TMEM132D: variants seen among roughly 807,000 people sequenced by gnomAD.
The protein encoded by TMEM132D is transmembrane protein 132D.
TMEM132D carries 21 observed loss-of-function variants against 62.3 expected under a neutral mutation model. The observed-to-expected ratio is 0.34, with a 90% CI of 0.24 to 0.49. The LOEUF (loss-of-function observed/expected upper bound fraction) is 0.49. Among genes scored for constraint, TMEM132D ranks in the 20% least tolerant of loss-of-function variants. The probability of loss-of-function intolerance (pLI) is 0.99; values close to 1 mark genes in which losing one functional copy is unlikely to be tolerated. For synonymous variants in TMEM132D, 621 were observed against 575.6 expected, an observed-to-expected ratio of 1.08 and a Z score of -1.13; for missense variants, 1,346 against 1,402.8, an observed-to-expected ratio of 0.96 and a Z score of 0.65.
chr12:129,496,869 T>C (rs973960364), intron 3 of TMEM132D, among the ~76,000 whole-genome samples: 1 of 152,142 alleles, frequency 6.6e-6, no homozygotes, highest in Non-Finnish European at 1.5e-5. Flanking sequence ...ACCCAGGGAG[T>C]AACCCATATG....
intron 5 of TMEM132D, among the ~76,000 whole-genome samples, chr12:129,178,818 A>C (rs140577726): frequency 2.0e-5 from 3 of 152,188 alleles, no homozygotes; most frequent in Admixed American, 6.5e-5. Flanking sequence ...CAGGAGGTGA[A>C]GTCTATGTCT....
At chr12:129,665,545 AAC>A (rs1238555731) in intron 2 of TMEM132D, among the ~76,000 whole-genome samples, 2 of 152,052 alleles carry the variant, frequency 1.3e-5, no homozygotes, top group East Asian at 3.9e-4. Context: ...GCTGCATTTG[AAC>A]AGTCTACTTA....
chr12:129,321,211 A>G (rs1027718790), intron 4 of TMEM132D, among the ~76,000 whole-genome samples: 8 of 152,218 alleles, frequency 5.3e-5, no homozygotes, highest in African/African-American at 1.7e-4. Context: ...TATAGAGAGA[A>G]TTCCATTATA....
At chr12:129,506,810 A>G (rs12317916) in intron 3 of TMEM132D, among the ~76,000 whole-genome samples, 1,957 of 152,342 alleles carry the variant, frequency 0.013, 37 homozygotes, top group African/African-American at 0.045. Flanking sequence ...CAAGGATTTC[A>G]TGACTAAGAA....
At chr12:129,727,864 G>A (rs1197243111) in intron 1 of TMEM132D, among the ~76,000 whole-genome samples, 1 of 151,940 alleles carries the variant, frequency 6.6e-6, no homozygotes, top group Non-Finnish European at 1.5e-5. Flanking sequence ...CTGAGCAAAA[G>A]CAAGGAAAAA....
In TMEM132D at chr12:129,793,975, C is replaced by T. The variant is rs553771396; in HGVS notation, c.80-93277G>A. ...GATGTTTAAAAGGTGTTATTTTATA[C>T]ACACACAAATACATACACACACATA... is the stretch of plus-strand genomic sequence containing the variant. On this transcript the variant is annotated intron_variant, in intron 1 of 8. Coordinates refer to ENST00000422113, the MANE Select transcript of TMEM132D (RefSeq NM_133448.3). Among the ~76,000 whole-genome samples the T allele has an allele frequency of 4.4e-4, 67 of 152,212 alleles. No individual in the cohort carries two copies. The South Asian group carries it at 0.012, about 27-fold the overall frequency.
At chr12:129,808,334 A>G (rs1441897332) in intron 1 of TMEM132D, among the ~76,000 whole-genome samples, 1 of 152,174 alleles carries the variant, frequency 6.6e-6, no homozygotes, top group Non-Finnish European at 1.5e-5. Flanking sequence ...CATAACTCAC[A>G]TATTAAAAGA....
At chr12:129,593,655 G>A (rs1463810141) in intron 2 of TMEM132D, among the ~76,000 whole-genome samples, 2 of 152,158 alleles carry the variant, frequency 1.3e-5, no homozygotes, top group African/African-American at 4.8e-5. Flanking sequence ...AGGAATTAAG[G>A]CCCACCTTGG....
intron 3 of TMEM132D, 69 bp downstream of exon 3, chr12:129,530,990 G>GGAAA (rs778001774): frequency 3.2e-6 from 4 of 1,267,182 alleles, no homozygotes; most frequent in Admixed American, 2.6e-5. Flanking sequence ...AGCAATCTAG[G>GGAAA]AAAAAAAAAA....
chr12:129,818,360 A>ATGTGTGTGTATGTGTGTGAGG (rs1872432605), intron 1 of TMEM132D, among the ~76,000 whole-genome samples: 17 of 102,396 alleles, frequency 1.7e-4, no homozygotes, highest in Non-Finnish European at 3.8e-5. Flanking sequence ...TGTGTGGTGT[A>ATGTGTGTGTATGTGTGTGAGG]TGTGTGTGTA....
intron 2 of TMEM132D, among the ~76,000 whole-genome samples, chr12:129,628,947 TTC>T (rs1224008268): frequency 2.0e-5 from 3 of 150,798 alleles, no homozygotes; most frequent in Non-Finnish European, 4.4e-5. Context: ...TCTCCTCTCT[TTC>T]TCTCTCATGT....
chr12:129,433,821 C>T (rs1257726906), intron 3 of TMEM132D, among the ~76,000 whole-genome samples: 1 of 152,172 alleles, frequency 6.6e-6, no homozygotes, highest in Non-Finnish European at 1.5e-5. Context: ...GTTCCCTAGT[C>T]TTGGATAACA....
At chr12:129,165,691 T>C (rs7955224) in intron 5 of TMEM132D, among the ~76,000 whole-genome samples, 11,464 of 150,988 alleles carry the variant, frequency 0.076, 963 homozygotes, top group African/African-American at 0.2. Flanking sequence ...TTTTTTTTTT[T>C]CCCCTACAAA....
intron 1 of TMEM132D, among the ~76,000 whole-genome samples, chr12:129,727,092 T>A: frequency 6.6e-6 from 1 of 152,266 alleles, no homozygotes; most frequent in East Asian, 1.9e-4. Context: ...AATTAGATGA[T>A]CTCTAAAGTT....
At chr12:129,514,730 G>C (rs765718256) in intron 3 of TMEM132D, among the ~76,000 whole-genome samples, 1 of 152,136 alleles carries the variant, frequency 6.6e-6, no homozygotes, top group Non-Finnish European at 1.5e-5. Flanking sequence ...TGTGTGAAAT[G>C]ATCATTGATG....
intron 2 of TMEM132D, among the ~76,000 whole-genome samples, chr12:129,554,267 G>C (rs1374585221): frequency 6.6e-6 from 1 of 152,146 alleles, no homozygotes. Context: ...TGTGATGACA[G>C]CTCAAAATGT....
intron 4 of TMEM132D, among the ~76,000 whole-genome samples, chr12:129,286,951 G>A (rs1248735159): frequency 6.6e-6 from 1 of 152,112 alleles, no homozygotes; most frequent in Non-Finnish European, 1.5e-5. Flanking sequence ...GGAAGGCTGA[G>A]GCACGAGCAT....
intron 3 of TMEM132D, among the ~76,000 whole-genome samples, chr12:129,444,705 A>G (rs1168588891): frequency 6.6e-6 from 1 of 152,198 alleles, no homozygotes; most frequent in African/African-American, 2.4e-5. Context: ...GAAGACATAC[A>G]TGCAGCCAAC....
At chr12:129,197,475 C>G (rs1386871665) in intron 5 of TMEM132D, among the ~76,000 whole-genome samples, 1 of 152,158 alleles carries the variant, frequency 6.6e-6, no homozygotes, top group African/African-American at 2.4e-5. Flanking sequence ...GAACAGAGAG[C>G]CTAGAAATGA....
Sources: allele counts gnomAD v4.1 joint callset (sites outside exome capture counted in the v4.1 genomes callset), GRCh38; gene constraint gnomAD v4.1.1; transcripts MANE v1.5; gene names NCBI Gene and HGNC (gene_info 2026-07-23, HGNC 2026-07-21).